The following IFT46 variants were observed in gnomAD, a reference collection of about 807,000 sequenced individuals.
IFT46 encodes the protein intraflagellar transport protein 46 homolog.
IFT46 carries 19 observed loss-of-function variants against 39.6 expected under a neutral mutation model. That is an observed-to-expected ratio of 0.48 (90% CI 0.33 to 0.70). IFT46 has a LOEUF of 0.70. IFT46 is among the 30% of genes least tolerant of loss of function. The probability of loss-of-function intolerance (pLI) is 0.01; values close to 1 mark genes in which losing one functional copy is unlikely to be tolerated. For synonymous variants in IFT46, 117 were observed against 134.8 expected, an observed-to-expected ratio of 0.87 and a Z score of 0.91; for missense variants, 334 against 364.8, an observed-to-expected ratio of 0.92 and a Z score of 0.69.
chr11:118,565,822 T>C lies in IFT46; in HGVS notation c.-165A>G, dbSNP rs1555071383. On this transcript the variant is annotated 5_prime_UTR_variant, in exon 1 of 12. Transcript: ENST00000264021. ...CCTTCTGAATCCGTCTCCTCTATAA[T>C]GGAAAGAACCCCAGCCTAGGGCTGG... The C allele has an allele frequency of 6.6e-6, 1 of 152,630 alleles. No homozygotes were observed. Among genetic ancestry groups the C allele is most frequent in the Non-Finnish European group, 1.5e-5 (1 of 68,070 alleles). 9.5% of individuals were successfully genotyped at this position (152,630 alleles called of 1,614,324 possible).
chr11:118,559,664 C>T (rs531089241), intron 3 of IFT46, 121 bp downstream of exon 3: 239 of 783,584 alleles, frequency 3.1e-4, no homozygotes, highest in Non-Finnish European at 2.6e-4. Flanking sequence ...TCCATGAGCT[C>T]AAAGGTCCCT....
intron 7 of IFT46, 24 bp downstream of exon 7, chr11:118,554,435 G>T (rs1555069015): frequency 6.3e-7 from 1 of 1,581,156 alleles, no homozygotes; most frequent in Non-Finnish European, 8.6e-7. Flanking sequence ...TCCAGCTGGG[G>T]CCTATACTAA....
intron 2 of IFT46, chr11:118,560,613 T>C: frequency 2.6e-6 from 1 of 385,690 alleles, no homozygotes; most frequent in Non-Finnish European, 4.8e-6. Context: ...TTAAAATGAT[T>C]TTGCCTTTTC....
rs200519846 is a variant in IFT46, at chr11:118,553,091, T to A, written c.484-756A>T. 5.6e-5 allele frequency among the ~76,000 whole-genome samples: 8 copies of A among 143,642 alleles called. No homozygotes were observed. In the East Asian group the frequency reaches 1.7e-3, roughly 31 times the overall value. The allele number at this position is 143,642 out of a possible 152,430, so 94.2% of individuals were successfully genotyped here. A position where few individuals can be genotyped will look rare whatever the true frequency, so the allele number is the denominator to read the frequency against. ...AGCGAGACCCTGTCTCAAAAAAAAA[T>A]AATTTGCTGAAGCCATGGAAAGGCA... On this transcript the variant is annotated intron_variant, in intron 7 of 11. Coordinates refer to ENST00000264021, the MANE Select transcript of IFT46 (RefSeq NM_001168618.2).
chr11:118,554,420 C>A (rs2135491733), intron 7 of IFT46, 39 bp downstream of exon 7: 1 of 1,551,190 alleles, frequency 6.4e-7, no homozygotes, highest in Non-Finnish European at 8.7e-7. Flanking sequence ...CCACTCTTGG[C>A]CCTCTCCAGC....
upstream of IFT46, chr11:118,573,914 G>A (rs1938419467): frequency 4.4e-6 from 2 of 456,922 alleles, no homozygotes; most frequent in Non-Finnish European, 7.8e-6. Context: ...CTCAGTTCCC[G>A]TTTACACCCT....
chr11:118,548,046 T>C (rs1399638779), intron 9 of IFT46, among the ~76,000 whole-genome samples: 10 of 128,616 alleles, frequency 7.8e-5, no homozygotes, highest in Non-Finnish European at 1.5e-4. Context: ...ACGCCCAGCC[T>C]TTTTTTTTTT....
At chr11:118,574,518 A>G (rs190703062), upstream of IFT46, among the ~76,000 whole-genome samples, 2 of 152,264 alleles carry the variant, frequency 1.3e-5, no homozygotes, top group East Asian at 1.9e-4. Flanking sequence ...TTTATCATGC[A>G]TCTAATCATC....
At chr11:118,569,167 T>C (rs1360592694), upstream of IFT46, among the ~76,000 whole-genome samples, 1 of 151,442 alleles carries the variant, frequency 6.6e-6, no homozygotes, top group Non-Finnish European at 1.5e-5. Flanking sequence ...TAATCCCAGC[T>C]ACTTGGGAGG....
At chr11:118,557,076 T>C in intron 3 of IFT46, 31 bp from the exon 4 acceptor site, 2 of 1,536,048 alleles carry the variant, frequency 1.3e-6, no homozygotes, top group East Asian at 2.3e-5. Context: ...CATAGAAAGC[T>C]TCAAGTAAAA....
rs1951791178 is a variant in IFT46 at position 118,550,890 on chromosome 11, AGT to A, written c.672+894_672+895del. On this transcript the variant is annotated intron_variant, in intron 9 of 11. Transcript: ENST00000264021. ...AAAAATACAAAAATTAGCCAGGCAC[AGT>A]GGCAGATGCCTGTAATCCCAGCTAC... Among the ~76,000 whole-genome samples, 7 of 151,868 alleles carry A rather than the reference AGT, an allele frequency of 4.6e-5. No homozygotes were observed. In the South Asian group the frequency reaches 1.5e-3, roughly 32 times the overall value.
At position 118,565,906 on chromosome 11, in the gene IFT46, T is replaced by G. The variant is rs1358349564; in HGVS notation, c.-249A>C. On this transcript the variant is annotated 5_prime_UTR_variant, in exon 1 of 12. Transcript: ENST00000264021. ...AGGATTCCACGCCAAGCAACCAGCC[T>G]GTTGTCAGTCGCTAGGCAAAAAGAT... is the stretch of plus-strand genomic sequence containing the variant. 1 of 152,572 alleles carries G rather than the reference T, an allele frequency of 6.6e-6. No individual in the cohort carries two copies. The highest frequency in any genetic ancestry group is 1.5e-5 in the Non-Finnish European group (1 of 68,038). 9.5% of individuals were successfully genotyped at this position (152,572 alleles called of 1,614,324 possible). A position where few individuals can be genotyped will look rare whatever the true frequency, so the allele number is the denominator to read the frequency against.
At chr11:118,573,550 A>G (rs1429627849), upstream of IFT46, 2 of 562,464 alleles carry the variant, frequency 3.6e-6, no homozygotes, top group South Asian at 4.1e-5. Context: ...TTTATTTTTC[A>G]GTGCACCTTA....
intron 7 of IFT46, among the ~76,000 whole-genome samples, chr11:118,554,054 T>C (rs1937742546): frequency 6.8e-6 from 1 of 146,048 alleles, no homozygotes; most frequent in Non-Finnish European, 1.5e-5. Context: ...AACCATCTCT[T>C]TTTTTTTTTT....
At chr11:118,572,331 C>T (rs183316902) in intron 1 of IFT46, 6 of 487,964 alleles carry the variant, frequency 1.2e-5, no homozygotes, top group African/African-American at 9.8e-5. Flanking sequence ...CCTCAATTTC[C>T]CCAGCCCACA....
intron 3 of IFT46, 107 bp from the exon 4 acceptor site, chr11:118,557,152 G>T: frequency 2.0e-6 from 2 of 1,021,126 alleles, no homozygotes; most frequent in Non-Finnish European, 2.6e-6. Context: ...CTGGCACCTC[G>T]TCACCAGAAA....
chr11:118,557,035 T>C lies in IFT46; in HGVS notation c.56A>G (p.Lys19Arg). 6.3e-7 allele frequency: 1 copy of C among 1,594,344 alleles called. No individual in the cohort carries two copies. Among genetic ancestry groups the C allele is most frequent in the Non-Finnish European group, 8.5e-7 (1 of 1,174,162 alleles). ...CEEENNKEKK[K>R]TSQLTPQRGF... ...CCGTTGAGGTGTCAACTGTGAGGTC[T>C]TCTTCTTCTCCTGTGATAGGGCAGG... Residue 19 changes from lysine (K) to arginine (R), a missense_variant, in exon 4 of 12, where the codon AAG becomes AGG. Coordinates refer to ENST00000264021, the MANE Select transcript of IFT46 (RefSeq NM_001168618.2).
chr11:118,570,027 A>AT (rs1938303708), upstream of IFT46, among the ~76,000 whole-genome samples: 1 of 148,648 alleles, frequency 6.7e-6, no homozygotes, highest in Non-Finnish European at 1.5e-5. Context: ...GAGTACAGGC[A>AT]TGAGACACCA....
rs1555069185 is a variant in IFT46 at position 118,554,990 on chromosome 11, C to T, written c.354G>A (p.Lys118=). 1 of 1,603,684 alleles carries T rather than the reference C, an allele frequency of 6.2e-7. No homozygotes were observed. Among genetic ancestry groups the T allele is most frequent in the South Asian group, 1.1e-5 (1 of 90,890 alleles). ...PAVGDIDAFL[K]VPRPDGKPDN... is the part of the protein sequence containing the mutation. The stretch of plus-strand genomic sequence containing the variant: ...CATTTTCAGGATGTACTGACTATAC[C>T]TTTAAGAATGCATCAATATCCCCGA... The change falls in exon 6 of 12, where the codon AAG becomes AAA. Residue 118 remains lysine (K), a splice_region_variant and synonymous_variant. Transcript: ENST00000264021.
Sources: gnomAD v4.1 joint callset for allele counts (sites outside exome capture counted in the v4.1 genomes callset) on GRCh38, gnomAD v4.1.1 for gene constraint, MANE v1.5 for transcripts, NCBI Gene and HGNC (gene_info 2026-07-23, HGNC 2026-07-21) for gene names.